NPSR1: variants seen among roughly 807,000 people sequenced by gnomAD.
The protein encoded by NPSR1 is neuropeptide S receptor.
NPSR1 carries 48 observed loss-of-function variants against 46.9 expected under a neutral mutation model. The observed-to-expected ratio is 1.02, with a 90% CI of 0.81 to 1.30. The LOEUF (loss-of-function observed/expected upper bound fraction) is 1.30, where lower values mean the gene tolerates loss of function less well. NPSR1 is among the 50% of genes most tolerant of loss of function. NPSR1 has a pLI of 0.00. For synonymous variants in NPSR1, 176 were observed against 168.1 expected (o/e 1.05, Z -0.36); for missense variants, 450 against 449.5 (o/e 1.00, Z -0.01).
At chr7:34,802,267 A>C (rs1788459059) in intron 3 of NPSR1, among the ~76,000 whole-genome samples, 1 of 150,414 alleles carries the variant, frequency 6.6e-6, no homozygotes, top group Admixed American at 6.6e-5. Context: ...AGTCAATCCT[A>C]AGCCAAAAGA....
At chr7:34,667,827 A>C (rs1791828046) in intron 1 of NPSR1, among the ~76,000 whole-genome samples, 1 of 151,866 alleles carries the variant, frequency 6.6e-6, no homozygotes, top group Admixed American at 6.6e-5. Context: ...AGTTTTTAAA[A>C]AACAGTTCTG....
At chr7:34,799,177 T>A (rs1023489551) in intron 3 of NPSR1, among the ~76,000 whole-genome samples, 3 of 152,122 alleles carry the variant, frequency 2.0e-5, no homozygotes, top group African/African-American at 4.8e-5. Context: ...GTAATGAATA[T>A]GTTAATTAGC....
At chr7:34,808,296 C>A (rs1239188172) in intron 3 of NPSR1, among the ~76,000 whole-genome samples, 2 of 152,110 alleles carry the variant, frequency 1.3e-5, no homozygotes, top group African/African-American at 4.8e-5. Flanking sequence ...TGTTTTAAGC[C>A]ATAAAGTTTG....
At chr7:34,877,190 G>A (rs998011181) in intron 8 of NPSR1, among the ~76,000 whole-genome samples, 4 of 152,110 alleles carry the variant, frequency 2.6e-5, no homozygotes, top group African/African-American at 9.7e-5. Flanking sequence ...CCACTGATGA[G>A]CCACAATTCT....
At chr7:34,833,366 G>T (rs1183652984) in intron 5 of NPSR1, among the ~76,000 whole-genome samples, 3 of 152,142 alleles carry the variant, frequency 2.0e-5, no homozygotes, top group Non-Finnish European at 4.4e-5. Flanking sequence ...TTAACACTTT[G>T]TTTTCCTGTT....
At chr7:34,840,313 C>A (rs1034248835) in intron 6 of NPSR1, among the ~76,000 whole-genome samples, 3 of 152,084 alleles carry the variant, frequency 2.0e-5, no homozygotes, top group Non-Finnish European at 4.4e-5. Flanking sequence ...GCCTTAAGGT[C>A]AAAGGGAAAT....
chr7:34,668,667 T>A (rs1173014960), intron 1 of NPSR1, among the ~76,000 whole-genome samples: 1 of 152,206 alleles, frequency 6.6e-6, no homozygotes, highest in Admixed American at 6.5e-5. Context: ...ACAGGGTGAC[T>A]CCGTGTATTG....
intron 2 of NPSR1, among the ~76,000 whole-genome samples, chr7:34,710,392 A>G (rs976518803): frequency 6.6e-6 from 1 of 152,238 alleles, no homozygotes; most frequent in African/African-American, 2.4e-5. Context: ...CTAGATTCTA[A>G]TATTAGTGAC....
At chr7:34,680,087 G>C (rs1792543526) in intron 1 of NPSR1, among the ~76,000 whole-genome samples, 1 of 151,954 alleles carries the variant, frequency 6.6e-6, no homozygotes, top group African/African-American at 2.4e-5. Context: ...AAACCTTATT[G>C]ATTTTATGCA....
In NPSR1 at chr7:34,796,945, T is replaced by C. The variant is rs144157236; in HGVS notation, c.385-14825T>C. ...ACCAAGATGTCCTTTGGTAGGTAAA[T>C]GGAGAAATAAGCTGTGGTACATCCA... is the stretch of plus-strand genomic sequence containing the variant. On this transcript the variant is annotated intron_variant, in intron 3 of 8. Coordinates refer to ENST00000360581, the MANE Select transcript of NPSR1 (RefSeq NM_207172.2). Among the ~76,000 whole-genome samples the C allele has an allele frequency of 5.8e-3, 883 of 152,286 alleles. 6 individuals carry two copies. The highest frequency in any genetic ancestry group is 0.018 in the African/African-American group (735 of 41,548).
At chr7:34,780,403 T>C (rs1157996138) in intron 3 of NPSR1, among the ~76,000 whole-genome samples, 1 of 152,136 alleles carries the variant, frequency 6.6e-6, no homozygotes, top group African/African-American at 2.4e-5. Context: ...CTACAATAAA[T>C]GTTAAGACTA....
intron 7 of NPSR1, among the ~76,000 whole-genome samples, chr7:34,846,484 A>G (rs1423057640): frequency 6.6e-6 from 1 of 152,244 alleles, no homozygotes; most frequent in African/African-American, 2.4e-5. Flanking sequence ...AAAGAGGAAT[A>G]AGAAAATAAT....
intron 2 of NPSR1, among the ~76,000 whole-genome samples, chr7:34,690,066 G>A (rs752274203): frequency 5.3e-5 from 8 of 152,054 alleles, no homozygotes; most frequent in Non-Finnish European, 8.8e-5. Context: ...GAGGCAGTGA[G>A]CCTCCTCACA....
intron 2 of NPSR1, among the ~76,000 whole-genome samples, chr7:34,716,214 C>G (rs1007047237): frequency 6.6e-6 from 1 of 152,068 alleles, no homozygotes; most frequent in Non-Finnish European, 1.5e-5. Context: ...CCGCTTGGAC[C>G]GTGAGATGAC....
intron 2 of NPSR1, among the ~76,000 whole-genome samples, chr7:34,718,536 C>G (rs1783688844): frequency 6.6e-6 from 1 of 152,218 alleles, no homozygotes; most frequent in Non-Finnish European, 1.5e-5. Flanking sequence ...TGATATGATC[C>G]ATTCCTAGGC....
At chr7:34,751,053 G>A (rs1785496153) in intron 2 of NPSR1, 3 of 776,174 alleles carry the variant, frequency 3.9e-6, no homozygotes, top group East Asian at 4.9e-5. Flanking sequence ...GAGCAGCATG[G>A]CCATCTCACT....
chr7:34,692,123 T>TA (rs1018444417), intron 2 of NPSR1, among the ~76,000 whole-genome samples: 8 of 151,882 alleles, frequency 5.3e-5, no homozygotes, highest in Admixed American at 3.9e-4. Context: ...CCCTGTCTCC[T>TA]AAAAAAACAA....
chr7:34,849,723 G>A lies in NPSR1; in HGVS notation c.*68G>A, dbSNP rs1213556719. 1 of 1,593,482 alleles carries A rather than the reference G, an allele frequency of 6.3e-7. No individual in the cohort carries two copies. Among genetic ancestry groups the A allele is most frequent in the Non-Finnish European group, 8.5e-7 (1 of 1,170,144 alleles). On this transcript the variant is annotated 3_prime_UTR_variant, in exon 9 of 9. Coordinates refer to ENST00000360581, the MANE Select transcript of NPSR1 (RefSeq NM_207172.2). ...TCCCAGGTCCTTGTCACCTGCTTGGGCACGTGCATGGAACCCGAGCCAACT... is the reference window on the plus strand; with the variant it reads ...TCCCAGGTCCTTGTCACCTGCTTGGACACGTGCATGGAACCCGAGCCAACT...
intron 2 of NPSR1, among the ~76,000 whole-genome samples, chr7:34,702,183 A>G (rs1200261627): frequency 1.3e-5 from 2 of 152,184 alleles, no homozygotes; most frequent in Non-Finnish European, 2.9e-5. Flanking sequence ...ATCTGTCATC[A>G]TGCCCAAATT....
Sources: allele counts gnomAD v4.1 joint callset (sites outside exome capture counted in the v4.1 genomes callset), GRCh38; gene constraint gnomAD v4.1.1; transcripts MANE v1.5; gene names NCBI Gene and HGNC (gene_info 2026-07-23, HGNC 2026-07-21).